Variants in SPATA13 observed in about 807,000 individuals in gnomAD.
SPATA13 encodes spermatogenesis-associated protein 13.
In SPATA13, 50 loss-of-function variants were observed where a neutral mutation model predicts 104.0. The observed-to-expected ratio is 0.48, with a 90% CI of 0.38 to 0.61. The LOEUF (loss-of-function observed/expected upper bound fraction) is 0.61, where lower values mean the gene tolerates loss of function less well. Ranked by LOEUF, SPATA13 falls within the 20% of genes least tolerant of loss-of-function variation. The probability of loss-of-function intolerance (pLI) is 0.00; values close to 1 mark genes in which losing one functional copy is unlikely to be tolerated. For missense variants in SPATA13, 1,524 were observed against 1,690.6 expected, an observed-to-expected ratio of 0.90 and a Z score of 1.73; for synonymous variants, 606 against 667.5, an observed-to-expected ratio of 0.91 and a Z score of 1.42.
intron 1 of SPATA13, among the ~76,000 whole-genome samples, chr13:23,980,905 A>T (rs969639087): frequency 2.0e-5 from 3 of 152,094 alleles, no homozygotes; most frequent in Non-Finnish European, 2.9e-5. Flanking sequence ...AAAGTTTTTT[A>T]AAAAATACGT....
chr13:24,240,907 A>C (rs1427791514), intron 2 of SPATA13, among the ~76,000 whole-genome samples: 1 of 152,208 alleles, frequency 6.6e-6, no homozygotes, highest in Non-Finnish European at 1.5e-5. Context: ...TCATTGTTTT[A>C]AAATGTTTAA....
rs1454737306 is a variant in SPATA13 at position 24,286,151 on chromosome 13, G to A, written c.2302-63G>A. ...GTCACCCTGAGAGAGTGCACCTAGT[G>A]GCTCCCTCACCATCCCGCCCACTCG... On this transcript the variant is annotated intron_variant, in intron 5 of 12. Transcript: ENST00000382108. This position sits in a 1 kb window ranked among gnomAD's most constrained non-coding sequence, Gnocchi z 4.9. 2 of 1,482,358 alleles carry A rather than the reference G, an allele frequency of 1.3e-6. No homozygotes were observed. Among genetic ancestry groups the A allele is most frequent in the Non-Finnish European group, 1.8e-6 (2 of 1,094,496 alleles). The allele number at this position is 1,482,358 out of a possible 1,614,324, so 91.8% of individuals were successfully genotyped here. A position where few individuals can be genotyped will look rare whatever the true frequency, so the allele number is the denominator to read the frequency against.
chr13:24,256,112 T>C lies in SPATA13; in HGVS notation c.2164+4250T>C, dbSNP rs147112666. Among the ~76,000 whole-genome samples the C allele has an allele frequency of 7.6e-3, 1,155 of 152,306 alleles. 15 individuals are homozygous for C. The highest frequency in any genetic ancestry group is 0.026 in the African/African-American group (1,099 of 41,558). On this transcript the variant is annotated intron_variant, in intron 4 of 12. Coordinates refer to ENST00000382108, the MANE Select transcript of SPATA13 (RefSeq NM_001166271.3). The stretch of plus-strand genomic sequence containing the variant: ...CAAAAGACTGATAATCGTGGGTTCA[T>C]GGTATTATCTGCTTTTGTGTGTATT...
chr13:24,294,442 C>T (rs913855074), intron 9 of SPATA13, among the ~76,000 whole-genome samples: 12 of 152,172 alleles, frequency 7.9e-5, no homozygotes, highest in South Asian at 2.1e-4. Flanking sequence ...CCATTGTCAC[C>T]GTGACTAAAA....
chr13:24,125,453 C>T (rs1312803394), intron 3 of SPATA13, among the ~76,000 whole-genome samples: 1 of 152,114 alleles, frequency 6.6e-6, no homozygotes, highest in Non-Finnish European at 1.5e-5. Flanking sequence ...GCAGGTTTCT[C>T]CTTTTCCACA....
intron 3 of SPATA13, chr13:24,123,902 GT>G (rs1371927121): frequency 7.0e-5 from 44 of 629,494 alleles, no homozygotes; most frequent in Non-Finnish European, 1.1e-4. Flanking sequence ...AGAGATCATT[GT>G]TAATTCCCTA....
intron 3 of SPATA13, among the ~76,000 whole-genome samples, chr13:24,119,889 C>G (rs1191712409): frequency 1.3e-5 from 2 of 152,208 alleles, no homozygotes; most frequent in African/African-American, 2.4e-5. Flanking sequence ...GGACAATGTC[C>G]TGATAGTAAA....
At chr13:24,278,735 A>G in intron 4 of SPATA13, 1 of 1,590,050 alleles carries the variant, frequency 6.3e-7, no homozygotes, top group East Asian at 2.3e-5. Context: ...CAGGTGAAAA[A>G]ACAAAGAAAG....
intron 2 of SPATA13, among the ~76,000 whole-genome samples, chr13:24,247,163 A>C (rs1417026846): frequency 6.6e-6 from 1 of 152,186 alleles, no homozygotes; most frequent in Non-Finnish European, 1.5e-5. Flanking sequence ...TTTGTATGCT[A>C]TTCTGGGTGC....
At chr13:24,085,691 G>A (rs1395909275) in intron 3 of SPATA13, among the ~76,000 whole-genome samples, 2 of 152,154 alleles carry the variant, frequency 1.3e-5, no homozygotes, top group Admixed American at 1.3e-4. Context: ...TTTACCTCCC[G>A]TGCTGGGCAG....
chr13:24,094,324 C>T (rs1035067012), intron 3 of SPATA13, among the ~76,000 whole-genome samples: 10 of 152,142 alleles, frequency 6.6e-5, no homozygotes, highest in Non-Finnish European at 1.5e-4. Context: ...CAGCTTTCCA[C>T]GGGTACATTT....
At position 24,161,819 on chromosome 13, in the gene SPATA13, G is replaced by T. The variant is rs1882507053; in HGVS notation, c.-112+887G>T. ...GCTCTTGTTCCCATGGCTTCCCATA[G>T]CCTTATATTATGCACCTCCCCCTGC... On this transcript the variant is annotated intron_variant, in intron 1 of 12. Transcript: ENST00000382108. This position sits in a 1 kb window ranked among gnomAD's most constrained non-coding sequence, Gnocchi z 4.5. Among the ~76,000 whole-genome samples, 1 of 152,160 alleles carries T rather than the reference G, an allele frequency of 6.6e-6. No homozygotes were observed. Among genetic ancestry groups the T allele is most frequent in the African/African-American group, 2.4e-5 (1 of 41,444 alleles).
chr13:24,135,973 G>A (rs551034188), intron 3 of SPATA13, among the ~76,000 whole-genome samples: 19 of 152,264 alleles, frequency 1.2e-4, no homozygotes, highest in South Asian at 6.2e-4. Context: ...TGAATCTTTT[G>A]ATCTCCTGGA....
At chr13:23,992,776 A>G (rs1875475453) in intron 2 of SPATA13, among the ~76,000 whole-genome samples, 1 of 152,188 alleles carries the variant, frequency 6.6e-6, no homozygotes, top group Non-Finnish European at 1.5e-5. Context: ...AGTTGGATGG[A>G]ACTTGGGGAC....
At chr13:24,041,060 A>G (rs1051493216) in intron 3 of SPATA13, among the ~76,000 whole-genome samples, 2 of 152,212 alleles carry the variant, frequency 1.3e-5, no homozygotes, top group Non-Finnish European at 2.9e-5. Flanking sequence ...CAACAAATAC[A>G]GCAAAATCAC....
chr13:24,172,052 G>A (rs1316192407), intron 1 of SPATA13, among the ~76,000 whole-genome samples: 2 of 152,176 alleles, frequency 1.3e-5, no homozygotes, highest in Non-Finnish European at 2.9e-5. Flanking sequence ...TGGTCAAGAT[G>A]CAGAACTTTC....
rs374240214 is a variant in SPATA13, at chr13:24,131,315, G to C, written c.-111-91504G>C. ...GTCCTCTTTCCTATGATGCTTCTTG[G>C]ACTTGTGCAGAAAGCATTGCCCCTC... On this transcript the variant is annotated intron_variant, in intron 3 of 14. Coordinates refer to the SPATA13 transcript ENST00000424834. 4.6e-4 allele frequency among the ~76,000 whole-genome samples: 70 copies of C among 152,192 alleles called. 1 individual carries two copies. Among genetic ancestry groups the C allele is most frequent in the African/African-American group, 1.7e-3 (69 of 41,522 alleles).
intron 7 of SPATA13, 123 bp from the exon 8 acceptor site, chr13:24,288,876 A>G (rs1876138871): frequency 1.2e-6 from 1 of 800,952 alleles, no homozygotes; most frequent in Non-Finnish European, 1.9e-6. Context: ...CTCATCAGAG[A>G]CTCATAGAGT....
At chr13:24,194,229 G>A (rs1316840460) in intron 1 of SPATA13, among the ~76,000 whole-genome samples, 17 of 152,180 alleles carry the variant, frequency 1.1e-4, no homozygotes, top group African/African-American at 3.4e-4. Flanking sequence ...ATGCCAATAC[G>A]TATAGTTATT....
Sources: allele counts gnomAD v4.1 joint callset (sites outside exome capture counted in the v4.1 genomes callset), GRCh38; gene constraint gnomAD v4.1.1; non-coding constraint Gnocchi (gnomAD v3.1); transcripts MANE v1.5; gene names NCBI Gene and HGNC (gene_info 2026-07-23, HGNC 2026-07-21).